Variants in TMEM45B observed in about 807,000 individuals in gnomAD.
The protein encoded by TMEM45B is transmembrane protein 45B.
In TMEM45B, 29 loss-of-function variants were observed where a neutral mutation model predicts 27.3. The ratio of observed to expected loss-of-function variants is 1.06; its 90% CI spans 0.79 to 1.45. The LOEUF is 1.45. TMEM45B is among the 40% of genes most tolerant of loss of function. The probability of loss-of-function intolerance (pLI) is 0.00; values close to 1 mark genes in which losing one functional copy is unlikely to be tolerated. For missense variants in TMEM45B, 348 were observed against 343.9 expected, an observed-to-expected ratio of 1.01 and a Z score of -0.09; for synonymous variants, 143 against 134.7, an observed-to-expected ratio of 1.06 and a Z score of -0.43.
chr11:129,829,034 C>T (rs1947518894), intron 1 of TMEM45B, among the ~76,000 whole-genome samples: 1 of 152,210 alleles, frequency 6.6e-6, no homozygotes, highest in African/African-American at 2.4e-5. Flanking sequence ...ACCTGCTAGA[C>T]ATTTTCAGGT....
chr11:129,854,487 G>T, intron 2 of TMEM45B, 123 bp from the exon 3 acceptor site: 1 of 902,574 alleles, frequency 1.1e-6, no homozygotes, highest in South Asian at 1.6e-5. Context: ...TAGCTCTGCT[G>T]ACCCGCGGGC....
chr11:129,840,485 G>C (rs1947676014), intron 1 of TMEM45B, among the ~76,000 whole-genome samples: 1 of 152,166 alleles, frequency 6.6e-6, no homozygotes, highest in Non-Finnish European at 1.5e-5. Flanking sequence ...TGGTTTTTCT[G>C]CACCTTTGCC....
chr11:129,841,778 A>G (rs1947698388), intron 1 of TMEM45B, among the ~76,000 whole-genome samples: 1 of 151,534 alleles, frequency 6.6e-6, no homozygotes, highest in African/African-American at 2.4e-5. Flanking sequence ...TTGTATTTTT[A>G]GTAGAGATGG....
intron 1 of TMEM45B, among the ~76,000 whole-genome samples, chr11:129,844,566 A>G (rs1314205988): frequency 2.0e-5 from 3 of 152,212 alleles, no homozygotes; most frequent in Non-Finnish European, 2.9e-5. Flanking sequence ...CTGCACCTGT[A>G]GTCCTAACTA....
At position 129,857,327 on chromosome 11, in the gene TMEM45B, G is replaced by A. The variant is rs371367384; in HGVS notation, c.585G>A (p.Leu195=). The change falls in exon 5 of 6, where the codon CTG becomes CTA. Residue 195 remains leucine (L), a synonymous_variant. Coordinates refer to ENST00000281441, the MANE Select transcript of TMEM45B (RefSeq NM_138788.5). ...GTWFWQIGFV[L]FPPFGTPEWD... is the part of the protein sequence containing the mutation. ...TAATCCCCTAGATTGGGTTTGTGCT[G>A]TTCCCACCTTTTGGAACACCCGAAT... is the stretch of plus-strand genomic sequence containing the variant. 160 of 1,614,078 alleles carry A rather than the reference G, an allele frequency of 9.9e-5. No homozygotes were observed. The highest frequency in any genetic ancestry group is 1.4e-4 in the South Asian group (13 of 91,094).
At chr11:129,845,337 A>ATGTG (rs10628378) in intron 1 of TMEM45B, among the ~76,000 whole-genome samples, 3,061 of 121,500 alleles carry the variant, frequency 0.025, 80 homozygotes, top group Non-Finnish European at 0.032. Flanking sequence ...GCTATTATAG[A>ATGTG]TGTGTGTGTG....
intron 1 of TMEM45B, among the ~76,000 whole-genome samples, chr11:129,834,851 C>T (rs1947601374): frequency 6.6e-6 from 1 of 151,220 alleles, no homozygotes; most frequent in Admixed American, 6.6e-5. Context: ...CATCTGTCAT[C>T]TTAGAGAATA....
chr11:129,841,894 G>A (rs559121791), intron 1 of TMEM45B, among the ~76,000 whole-genome samples: 63 of 152,068 alleles, frequency 4.1e-4, no homozygotes, highest in African/African-American at 1.4e-3. Context: ...CACTGCGCCC[G>A]GCCTCAGAGA....
intron 1 of TMEM45B, 55 bp from the exon 2 acceptor site, chr11:129,852,420 T>C: frequency 6.7e-7 from 1 of 1,495,040 alleles, no homozygotes; most frequent in Non-Finnish European, 9.1e-7. Context: ...TGCCAAAATA[T>C]ACATTTGTTT....
intron 2 of TMEM45B, among the ~76,000 whole-genome samples, chr11:129,853,836 C>G (rs1003392057): frequency 5.9e-5 from 9 of 152,150 alleles, no homozygotes; most frequent in Non-Finnish European, 1.3e-4. Context: ...AAACGGAGTC[C>G]AAAATGTCAT....
At chr11:129,816,549 G>A (rs561476281) in intron 1 of TMEM45B, among the ~76,000 whole-genome samples, 50 of 152,188 alleles carry the variant, frequency 3.3e-4, no homozygotes, top group African/African-American at 1.2e-3. Flanking sequence ...GGCGCAGTGG[G>A]GGAGAAATTT....
intron 2 of TMEM45B, among the ~76,000 whole-genome samples, chr11:129,854,155 G>A (rs1379224068): frequency 6.6e-6 from 1 of 152,160 alleles, no homozygotes; most frequent in African/African-American, 2.4e-5. Context: ...GGCACGTACA[G>A]GTATCTTCAT....
At chr11:129,827,918 T>A (rs1947505007) in intron 1 of TMEM45B, among the ~76,000 whole-genome samples, 1 of 152,066 alleles carries the variant, frequency 6.6e-6, no homozygotes, top group South Asian at 2.1e-4. Context: ...TGCAGTGAGT[T>A]GAGATCGTGC....
At chr11:129,847,253 G>C (rs1253681728) in intron 1 of TMEM45B, among the ~76,000 whole-genome samples, 2 of 152,108 alleles carry the variant, frequency 1.3e-5, no homozygotes, top group African/African-American at 4.8e-5. Context: ...CAATGGTGGA[G>C]GTAAATACCG....
chr11:129,856,016 G>A (rs1229136306), intron 4 of TMEM45B, 124 bp downstream of exon 4: 2 of 1,127,234 alleles, frequency 1.8e-6, no homozygotes, highest in African/African-American at 1.6e-5. Context: ...CCATGCAAAG[G>A]GGTTTAGATG....
intron 1 of TMEM45B, among the ~76,000 whole-genome samples, chr11:129,821,317 G>A (rs994858452): frequency 9.9e-5 from 15 of 152,094 alleles, no homozygotes; most frequent in Non-Finnish European, 2.2e-4. Context: ...ACGCCAGGCC[G>A]CCATCAAGAA....
At chr11:129,816,112 G>A (rs558150211) in intron 1 of TMEM45B, among the ~76,000 whole-genome samples, 122 of 152,290 alleles carry the variant, frequency 8.0e-4, no homozygotes, top group African/African-American at 2.3e-3. Context: ...TGTCGCGGAA[G>A]CCCAGCTGGG....
chr11:129,816,292 G>C (rs1158925834), intron 1 of TMEM45B, among the ~76,000 whole-genome samples: 1 of 152,170 alleles, frequency 6.6e-6, no homozygotes, highest in African/African-American at 2.4e-5. Context: ...CGTCTGCCCG[G>C]TGAGTCCGGG....
chr11:129,847,976 G>A (rs1393358247), intron 1 of TMEM45B, among the ~76,000 whole-genome samples: 2 of 151,870 alleles, frequency 1.3e-5, no homozygotes, highest in African/African-American at 2.4e-5. Context: ...GGGCAGAGAC[G>A]CTCCTCACTT....
Sources: allele counts gnomAD v4.1 joint callset (sites outside exome capture counted in the v4.1 genomes callset), GRCh38; gene constraint gnomAD v4.1.1; transcripts MANE v1.5; gene names NCBI Gene and HGNC (gene_info 2026-07-23, HGNC 2026-07-21).